The following SLC37A1 variants were observed in gnomAD, a reference collection of about 807,000 sequenced individuals.
The protein encoded by SLC37A1 is solute carrier family 37 member 1.
SLC37A1 carries 49 observed loss-of-function variants against 75.3 expected under a neutral mutation model. The observed-to-expected ratio is 0.65, with a 90% CI of 0.52 to 0.83. SLC37A1 has a LOEUF of 0.83. Among genes scored for constraint, SLC37A1 ranks in the 40% least tolerant of loss-of-function variants. The pLI, the probability that SLC37A1 is intolerant of heterozygous loss-of-function variation, is 0.00. For synonymous variants in SLC37A1, 268 were observed against 292.1 expected, an observed-to-expected ratio of 0.92 and a Z score of 0.84; for missense variants, 566 against 695.0, an observed-to-expected ratio of 0.81 and a Z score of 2.09.
intron 18 of SLC37A1, chr21:42,575,133 G>A: frequency 1.0e-6 from 1 of 985,482 alleles, no homozygotes. Context: ...GCCTTGGGCG[G>A]GATAGCACAA....
intron 6 of SLC37A1, among the ~76,000 whole-genome samples, chr21:42,542,078 GA>G (rs1388875249): frequency 6.6e-6 from 1 of 152,188 alleles, no homozygotes; most frequent in Non-Finnish European, 1.5e-5. Flanking sequence ...AAGAGACCGG[GA>G]AGCTTGGCCC....
intron 3 of SLC37A1, among the ~76,000 whole-genome samples, chr21:42,530,026 AC>A (rs1210111499): frequency 5.3e-5 from 8 of 152,156 alleles, no homozygotes; most frequent in Admixed American, 5.2e-4. Flanking sequence ...CTTTGTAGTG[AC>A]CAAAAAAAGC....
intron 18 of SLC37A1, chr21:42,575,870 G>A: frequency 1.0e-6 from 1 of 985,276 alleles, no homozygotes; most frequent in East Asian, 1.1e-4. Context: ...TCATCTGTGG[G>A]TTCTTTTAAT....
intron 8 of SLC37A1, among the ~76,000 whole-genome samples, chr21:42,546,657 C>T (rs1391160179): frequency 6.6e-6 from 1 of 152,214 alleles, no homozygotes; most frequent in Non-Finnish European, 1.5e-5. Flanking sequence ...GGCTGCCAGG[C>T]CGAGTGACTG....
chr21:42,562,879 A>G (rs1309924467), intron 12 of SLC37A1, among the ~76,000 whole-genome samples: 1 of 152,150 alleles, frequency 6.6e-6, no homozygotes, highest in African/African-American at 2.4e-5. Context: ...AGGGAGGGGC[A>G]GAATCCGGCA....
intron 3 of SLC37A1, among the ~76,000 whole-genome samples, chr21:42,526,815 G>A (rs549017614): frequency 9.9e-5 from 15 of 152,202 alleles, no homozygotes; most frequent in East Asian, 1.9e-4. Flanking sequence ...TGTGGAAAAC[G>A]TTTGCAGACC....
At chr21:42,579,115 C>G (rs2056364852) in intron 18 of SLC37A1, among the ~76,000 whole-genome samples, 1 of 152,230 alleles carries the variant, frequency 6.6e-6, no homozygotes, top group African/African-American at 2.4e-5. Context: ...GTTGAGCCCT[C>G]AAACATGTGA....
At chr21:42,531,160 C>G (rs1280445180) in intron 3 of SLC37A1, among the ~76,000 whole-genome samples, 1 of 152,188 alleles carries the variant, frequency 6.6e-6, no homozygotes, top group African/African-American at 2.4e-5. Flanking sequence ...GAAGACATTG[C>G]CAGCTCCCAG....
At chr21:42,579,625 GGA>G (rs1251558289) in intron 18 of SLC37A1, 109 bp from the exon 19 acceptor site, 2 of 965,676 alleles carry the variant, frequency 2.1e-6, no homozygotes, top group African/African-American at 3.6e-5. Flanking sequence ...GGTGCTGTGG[GGA>G]GAGAGCCACC....
At chr21:42,537,716 G>A (rs1215572748) in intron 5 of SLC37A1, among the ~76,000 whole-genome samples, 1 of 152,196 alleles carries the variant, frequency 6.6e-6, no homozygotes, top group African/African-American at 2.4e-5. Context: ...CTGGTTTCTT[G>A]TTGCTTATTT....
In SLC37A1 at chr21:42,568,425, G is replaced by A. The variant is rs1472019709; in HGVS notation, c.1410G>A (p.Gly470=). ...ALSTVTAIID[G]TGSVGAALGP... Reference sequence around the variant, plus strand: ...CCACCGTGACGGCCATCATTGACGGGACGGGCTCTGTAGGTGCGCAGAGAG... The same window carrying A: ...CCACCGTGACGGCCATCATTGACGGAACGGGCTCTGTAGGTGCGCAGAGAG... Residue 470 remains glycine, a synonymous_variant, in exon 17 of 20, where the codon GGG becomes GGA. Transcript: ENST00000352133. 2 of 1,614,082 alleles carry A rather than the reference G, an allele frequency of 1.2e-6. No individual in the cohort carries two copies. Among genetic ancestry groups the A allele is most frequent in the Non-Finnish European group, 8.5e-7 (1 of 1,179,990 alleles).
rs1179181153 is a variant in SLC37A1, at chr21:42,552,902, A to G, written c.769-1160A>G. On this transcript the variant is annotated intron_variant, in intron 9 of 19. Coordinates refer to ENST00000352133, the MANE Select transcript of SLC37A1 (RefSeq NM_001320537.2). The surrounding 1 kb of genome is among the most constrained non-coding windows in gnomAD (Gnocchi z 4.2). ...CTCTGCTTCTGCCTGGAATGGTCGG[A>G]TGATAAACTGGCCAGATAATCACCC... Among the ~76,000 whole-genome samples the G allele has an allele frequency of 1.3e-5, 2 of 152,220 alleles. No homozygotes were observed. The highest frequency in any genetic ancestry group is 4.8e-5 in the African/African-American group (2 of 41,436).
At chr21:42,539,723 C>A in intron 6 of SLC37A1, 76 bp downstream of exon 6, 1 of 1,460,364 alleles carries the variant, frequency 6.8e-7, no homozygotes. Flanking sequence ...TGTCACGTCA[C>A]CTCTGTCAAG....
intron 4 of SLC37A1, among the ~76,000 whole-genome samples, chr21:42,535,033 T>C (rs2146839467): frequency 6.6e-6 from 1 of 152,390 alleles, no homozygotes; most frequent in South Asian, 2.1e-4. Context: ...GAAGGTTCTC[T>C]TTATGGGGAA....
intron 11 of SLC37A1, among the ~76,000 whole-genome samples, chr21:42,559,875 CAA>C (rs35483329): frequency 7.8e-5 from 10 of 127,770 alleles, no homozygotes; most frequent in East Asian, 2.6e-4. Flanking sequence ...GACTCTGTCT[CAA>C]AAAAAAAAAA....
rs1390424689 is a variant in SLC37A1 at position 42,562,187 on chromosome 21, A to C, written c.1072+19A>C. ...AATGTGGGTGAGTATCCACGCTAGAACACATTAAATTCCGCACAGTGACTG... is the reference window on the plus strand; with the variant it reads ...AATGTGGGTGAGTATCCACGCTAGACCACATTAAATTCCGCACAGTGACTG... On this transcript the variant is annotated intron_variant, in intron 12 of 19. Coordinates refer to ENST00000352133, the MANE Select transcript of SLC37A1 (RefSeq NM_001320537.2). 7.5e-6 allele frequency: 12 copies of C among 1,608,466 alleles called. No individual in the cohort carries two copies. The highest frequency in any genetic ancestry group is 1.0e-5 in the Non-Finnish European group (12 of 1,175,006).
intron 8 of SLC37A1, 47 bp downstream of exon 8, chr21:42,543,649 A>G (rs228075): frequency 0.87 from 1,325,437 of 1,531,802 alleles, 578,685 homozygotes; most frequent in African/African-American, 0.98. Flanking sequence ...GAGGCCTCGG[A>G]TTTCCCTGCC....
chr21:42,564,001 C>A, intron 13 of SLC37A1, 124 bp downstream of exon 13: 1 of 1,103,968 alleles, frequency 9.1e-7, no homozygotes, highest in Non-Finnish European at 1.3e-6. Context: ...TGGGCCCAGC[C>A]CAAGAGGGTC....
Position 42,543,589 on chromosome 21 carries a change from C to T in SLC37A1, c.717C>T (p.Leu239=). The T allele has an allele frequency of 6.2e-7, 1 of 1,603,666 alleles. No individual in the cohort carries two copies. Among genetic ancestry groups the T allele is most frequent in the Non-Finnish European group, 8.5e-7 (1 of 1,174,118 alleles). The change falls in exon 8 of 20, where the codon CTC becomes CTT. Residue 239 remains leucine (L), a synonymous_variant. Transcript: ENST00000352133. ...IVAAMGIVCF[L]FLIEHPNDVR... is the part of the protein sequence containing the mutation. ...CAGCCATGGGGATAGTGTGCTTTCT[C>T]TTCCTCATTGAACGTAAGTGCACGT...
Sources: allele counts gnomAD v4.1 joint callset (sites outside exome capture counted in the v4.1 genomes callset), GRCh38; gene constraint gnomAD v4.1.1; non-coding constraint Gnocchi (gnomAD v3.1); transcripts MANE v1.5; gene names NCBI Gene and HGNC (gene_info 2026-07-23, HGNC 2026-07-21).